Variants in CNTN5 observed in about 807,000 individuals in gnomAD.
The protein encoded by CNTN5 is contactin-5.
A neutral mutation model predicts 129.1 loss-of-function variants in CNTN5; 77 were observed. The observed-to-expected ratio is 0.60, with a 90% CI of 0.50 to 0.72. CNTN5 has a LOEUF of 0.72. Ranked by LOEUF, CNTN5 falls within the 30% of genes least tolerant of loss-of-function variation. The pLI, the probability that CNTN5 is intolerant of heterozygous loss-of-function variation, is 0.00. For missense variants in CNTN5, 1,478 were observed against 1,328.8 expected, an observed-to-expected ratio of 1.11 and a Z score of -1.75; for synonymous variants, 509 against 465.6, an observed-to-expected ratio of 1.09 and a Z score of -1.20.
chr11:100,355,353 T>C (rs921316272), intron 24 of CNTN5, among the ~76,000 whole-genome samples: 8 of 151,688 alleles, frequency 5.3e-5, no homozygotes, highest in African/African-American at 1.9e-4. Flanking sequence ...ATCATACACA[T>C]AGAGCTATCA....
intron 6 of CNTN5, among the ~76,000 whole-genome samples, chr11:99,911,239 C>A (rs1333418797): frequency 6.6e-6 from 1 of 151,972 alleles, no homozygotes; most frequent in Non-Finnish European, 1.5e-5. Flanking sequence ...GTGTTCACAG[C>A]ACTTTTAGAG....
At chr11:99,525,903 A>C (rs1947465528) in intron 2 of CNTN5, among the ~76,000 whole-genome samples, 1 of 152,260 alleles carries the variant, frequency 6.6e-6, no homozygotes, top group Non-Finnish European at 1.5e-5. Flanking sequence ...TGAAAGGCAC[A>C]AAACAAACAC....
rs191577831 is a variant in CNTN5 at position 99,655,354 on chromosome 11, G to A, written c.55+99085G>A. Among the ~76,000 whole-genome samples, 341 of 152,194 alleles carry A rather than the reference G, an allele frequency of 2.2e-3. 1 individual carries two copies. Among genetic ancestry groups the A allele is most frequent in the African/African-American group, 7.5e-3 (311 of 41,544 alleles). ...CAAAGTACAGCCTGACTAATACTAA[G>A]TTATGATTATATTTCTGTCCAGAAC... On this transcript the variant is annotated intron_variant, in intron 3 of 24. Coordinates refer to ENST00000524871, the MANE Select transcript of CNTN5 (RefSeq NM_014361.4).
intron 2 of CNTN5, among the ~76,000 whole-genome samples, chr11:99,451,872 A>C (rs1255284846): frequency 6.6e-6 from 1 of 152,164 alleles, no homozygotes; most frequent in Non-Finnish European, 1.5e-5. Flanking sequence ...TTTAAGTCAC[A>C]AGACTCTTCA....
chr11:99,096,982 C>A (rs1019776248), intron 1 of CNTN5, among the ~76,000 whole-genome samples: 2 of 151,872 alleles, frequency 1.3e-5, no homozygotes, highest in African/African-American at 4.8e-5. Context: ...AAATCACAAT[C>A]ATATCTGTTG....
chr11:100,053,372 AC>A (rs1396248210), intron 9 of CNTN5, among the ~76,000 whole-genome samples: 2 of 151,744 alleles, frequency 1.3e-5, no homozygotes, highest in African/African-American at 4.8e-5. Context: ...TCCAGTATGA[AC>A]TAATAATTCT....
intron 6 of CNTN5, among the ~76,000 whole-genome samples, chr11:99,863,784 C>G (rs1948280088): frequency 6.6e-6 from 1 of 152,146 alleles, no homozygotes; most frequent in African/African-American, 2.4e-5. Flanking sequence ...TTCCTACTTT[C>G]ACAGTTAATG....
chr11:99,592,472 T>A (rs754824514), intron 3 of CNTN5, among the ~76,000 whole-genome samples: 2 of 151,938 alleles, frequency 1.3e-5, no homozygotes, highest in African/African-American at 2.4e-5. Context: ...GCTGCAATGA[T>A]GACAAATATG....
chr11:99,309,222 C>CTT (rs10709951), intron 1 of CNTN5, among the ~76,000 whole-genome samples: 17 of 137,556 alleles, frequency 1.2e-4, no homozygotes, highest in African/African-American at 4.0e-4. Context: ...TTTGCTATTT[C>CTT]TTTTTTTTTT....
chr11:100,113,479 A>AAAAAG (rs1296381338), intron 13 of CNTN5, among the ~76,000 whole-genome samples: 1 of 149,944 alleles, frequency 6.7e-6, no homozygotes, highest in Non-Finnish European at 1.5e-5. Flanking sequence ...AAAAAGAAAG[A>AAAAAG]AAAAGAAAAA....
chr11:99,123,730 G>A (rs994474188), intron 1 of CNTN5, among the ~76,000 whole-genome samples: 9 of 150,730 alleles, frequency 6.0e-5, no homozygotes, highest in African/African-American at 7.3e-5. Context: ...TGTATATGAC[G>A]TAAGGAAGGG....
At chr11:100,316,163 C>T (rs1272843275) in intron 21 of CNTN5, among the ~76,000 whole-genome samples, 1 of 152,120 alleles carries the variant, frequency 6.6e-6, no homozygotes, top group Non-Finnish European at 1.5e-5. Flanking sequence ...GCCAGTCTGG[C>T]AAGAAGGGAG....
intron 1 of CNTN5, among the ~76,000 whole-genome samples, chr11:99,027,278 T>C (rs1461826295): frequency 6.6e-6 from 1 of 151,582 alleles, no homozygotes; most frequent in African/African-American, 2.4e-5. Flanking sequence ...TTCCTAGTAA[T>C]AAATGTTTAA....
At chr11:99,739,471 A>C (rs1422540261) in intron 3 of CNTN5, among the ~76,000 whole-genome samples, 1 of 152,148 alleles carries the variant, frequency 6.6e-6, no homozygotes, top group Non-Finnish European at 1.5e-5. Context: ...TGAAACAAAG[A>C]TCAGGCTTAA....
At chr11:100,255,365 G>A (rs1027780604) in intron 16 of CNTN5, among the ~76,000 whole-genome samples, 1 of 136,644 alleles carries the variant, frequency 7.3e-6, no homozygotes, top group Admixed American at 7.0e-5. Flanking sequence ...ATTTTAGTAA[G>A]GATGAGATTT....
chr11:99,702,128 CAAG>C (rs1260457922), intron 3 of CNTN5, among the ~76,000 whole-genome samples: 2 of 150,986 alleles, frequency 1.3e-5, no homozygotes, highest in Non-Finnish European at 3.0e-5. Context: ...ACTACCTTAT[CAAG>C]AAGAAGATAT....
At chr11:99,766,243 A>G (rs2059242020) in intron 3 of CNTN5, among the ~76,000 whole-genome samples, 1 of 152,076 alleles carries the variant, frequency 6.6e-6, no homozygotes, top group Non-Finnish European at 1.5e-5. Context: ...GAATGCAAAC[A>G]TATTTATCTG....
At chr11:99,947,232 T>TTA (rs1565708320) in intron 7 of CNTN5, among the ~76,000 whole-genome samples, 1 of 150,856 alleles carries the variant, frequency 6.6e-6, no homozygotes, top group East Asian at 1.9e-4. Context: ...AGAACTCAAC[T>TTA]AAAAAAAACC....
chr11:99,117,951 C>G (rs1321413155), intron 1 of CNTN5, among the ~76,000 whole-genome samples: 1 of 152,134 alleles, frequency 6.6e-6, no homozygotes, highest in African/African-American at 2.4e-5. Flanking sequence ...CCCGAGCGGA[C>G]TAATACAGTG....
Sources: gnomAD v4.1 joint callset for allele counts (sites outside exome capture counted in the v4.1 genomes callset) on GRCh38, gnomAD v4.1.1 for gene constraint, MANE v1.5 for transcripts, NCBI Gene and HGNC (gene_info 2026-07-23, HGNC 2026-07-21) for gene names.